Variants in LRP5 observed in about 807,000 individuals in gnomAD.
LRP5 encodes low-density lipoprotein receptor-related protein 5.
Under a neutral mutation model 154.1 loss-of-function variants are expected in LRP5, and 62 were observed. The observed-to-expected ratio is 0.40, with a 90% CI of 0.33 to 0.50. LRP5 has a LOEUF of 0.50. Among genes scored for constraint, LRP5 ranks in the 20% least tolerant of loss-of-function variants. The probability of loss-of-function intolerance (pLI) is 0.55; values close to 1 mark genes in which losing one functional copy is unlikely to be tolerated. For missense variants in LRP5, 1,915 were observed against 2,336.7 expected (o/e 0.82, Z 3.72); for synonymous variants, 966 against 1,011.5 (o/e 0.96, Z 0.85).
chr11:68,402,644 T>TTTGCTCCAGGTC, intron 7 of LRP5, among the ~76,000 whole-genome samples: 1 of 151,862 alleles, frequency 6.6e-6, no homozygotes, highest in Non-Finnish European at 1.5e-5. Context: ...GGTCCTTATA[T>TTTGCTCCAGGTC]TTGCTCCAGG....
chr11:68,390,149 G>T, intron 7 of LRP5, 97 bp downstream of exon 7: 1 of 1,441,068 alleles, frequency 6.9e-7, no homozygotes, highest in Non-Finnish European at 9.6e-7. Flanking sequence ...GGGTGCCTGT[G>T]CTCTGCTATT....
chr11:68,436,715 G>A (rs1051511800), intron 18 of LRP5, among the ~76,000 whole-genome samples, 174 bp from the exon 19 acceptor site: 12 of 152,196 alleles, frequency 7.9e-5, no homozygotes, highest in Admixed American at 6.5e-5. Context: ...CATAGGCCTC[G>A]CCACAGGGTC....
intron 7 of LRP5, among the ~76,000 whole-genome samples, chr11:68,390,355 G>T (rs550642615): frequency 7.7e-4 from 117 of 152,348 alleles, no homozygotes; most frequent in Non-Finnish European, 1.5e-3. Context: ...GGGCAAAGGG[G>T]ACACAGGAAT....
intron 17 of LRP5, among the ~76,000 whole-genome samples, chr11:68,432,671 A>G (rs138073040): frequency 1.2e-4 from 19 of 152,300 alleles, no homozygotes; most frequent in Middle Eastern, 3.4e-3. Context: ...ATTTCCCAGC[A>G]TCCCCTCCTG....
intron 1 of LRP5, among the ~76,000 whole-genome samples, chr11:68,332,391 T>TTGCTCTGCAGGCAGCCC (rs1437459972): frequency 6.6e-6 from 1 of 152,228 alleles, no homozygotes; most frequent in Non-Finnish European, 1.5e-5. Context: ...CACCCGGGCC[T>TTGCTCTGCAGGCAGCCC]TGCTCTGCAG....
chr11:68,414,610 G>T (rs1382276303), intron 12 of LRP5, among the ~76,000 whole-genome samples: 7 of 152,144 alleles, frequency 4.6e-5, no homozygotes, highest in Non-Finnish European at 8.8e-5. Flanking sequence ...ACTTTCCTAT[G>T]GCCCCTCTGG....
chr11:68,369,279 C>A (rs557651440), intron 5 of LRP5, among the ~76,000 whole-genome samples: 1 of 152,276 alleles, frequency 6.6e-6, no homozygotes, highest in South Asian at 2.1e-4. Context: ...GGCTTGGGGC[C>A]TGGCCACTGG....
chr11:68,376,735 A>G (rs1159457784), intron 5 of LRP5, among the ~76,000 whole-genome samples: 1 of 152,234 alleles, frequency 6.6e-6, no homozygotes, highest in East Asian at 1.9e-4. Context: ...TTGAACACCT[A>G]CTGTGTGCCT....
rs1226756198 is a variant in LRP5, at chr11:68,312,738, G to A, written c.24G>A (p.Pro8=). The change falls in exon 1 of 23, where the codon CCG becomes CCA. Residue 8 remains proline (P), a synonymous_variant. Transcript: ENST00000294304. MEAAPPG[P]PWPLLLLLLL... is the part of the protein sequence containing the mutation. ...ACATGGAGGCAGCGCCGCCCGGGCC[G>A]CCGTGGCCGCTGCTGCTGCTGCTGC... 3 of 1,061,040 alleles carry A rather than the reference G, an allele frequency of 2.8e-6. No individual in the cohort carries two copies. The highest frequency in any genetic ancestry group is 4.8e-5 in the Admixed American group (1 of 20,884). The allele number at this position is 1,061,040 out of a possible 1,614,324, so 65.7% of individuals were successfully genotyped here.
At chr11:68,431,482 C>T (rs753492176) in intron 17 of LRP5, among the ~76,000 whole-genome samples, 9 of 151,922 alleles carry the variant, frequency 5.9e-5, no homozygotes, top group Admixed American at 1.3e-4. Flanking sequence ...TCAGGTGATC[C>T]GCCCACCTCA....
At chr11:68,426,326 G>A in intron 16 of LRP5, 139 bp downstream of exon 16, 1 of 695,678 alleles carries the variant, frequency 1.4e-6, no homozygotes. Flanking sequence ...GCCCGCTGGG[G>A]TTCAGCGACA....
chr11:68,425,584 A>T (rs1382799637), intron 15 of LRP5, among the ~76,000 whole-genome samples: 1 of 152,210 alleles, frequency 6.6e-6, no homozygotes, highest in Non-Finnish European at 1.5e-5. Flanking sequence ...CTGCGCAAGA[A>T]GCTGCTCTGC....
At chr11:68,427,339 C>T (rs2098669354) in intron 16 of LRP5, among the ~76,000 whole-genome samples, 1 of 152,102 alleles carries the variant, frequency 6.6e-6, no homozygotes, top group African/African-American at 2.4e-5. Context: ...TACTTGAGAC[C>T]AGCCTGGGCA....
chr11:68,379,114 T>A (rs1453171967), intron 5 of LRP5, among the ~76,000 whole-genome samples: 1 of 152,108 alleles, frequency 6.6e-6, no homozygotes, highest in East Asian at 1.9e-4. Flanking sequence ...TCAAACAATG[T>A]GTGTAATGTT....
Position 68,439,932 on chromosome 11 carries a change from G to T in LRP5, c.4488+16G>T. 6.6e-7 allele frequency: 1 copy of T among 1,517,080 alleles called. No homozygotes were observed. The highest frequency in any genetic ancestry group is 1.2e-5 in the South Asian group (1 of 81,490). 94.0% of individuals were successfully genotyped at this position (1,517,080 alleles called of 1,614,324 possible). On this transcript the variant is annotated intron_variant, in intron 21 of 22. Transcript: ENST00000294304. Reference sequence around the variant, plus strand: ...GTACCCGCCGGTGAGGGGCGGGGCCGGGGAGGGGCGGGGCGGGATGGGGCT... The same window carrying T: ...GTACCCGCCGGTGAGGGGCGGGGCCTGGGAGGGGCGGGGCGGGATGGGGCT...
chr11:68,435,940 G>A (rs1198624403), intron 18 of LRP5, among the ~76,000 whole-genome samples: 1 of 152,120 alleles, frequency 6.6e-6, no homozygotes, highest in African/African-American at 2.4e-5. Context: ...TGGCCAGGCT[G>A]GTCTCAAACT....
intron 7 of LRP5, among the ~76,000 whole-genome samples, chr11:68,398,251 G>C (rs2153160068): frequency 6.6e-6 from 1 of 152,344 alleles, no homozygotes; most frequent in Non-Finnish European, 1.5e-5. Context: ...CGACTGTCCA[G>C]AGTCAGCCTG....
At chr11:68,385,769 GC>G (rs1377985202) in intron 5 of LRP5, among the ~76,000 whole-genome samples, 1 of 152,104 alleles carries the variant, frequency 6.6e-6, no homozygotes, top group African/African-American at 2.4e-5. Context: ...CTGCCTAGGA[GC>G]CCCCCGGCAC....
chr11:68,390,939 G>T (rs1281890654), intron 7 of LRP5, among the ~76,000 whole-genome samples: 1 of 152,212 alleles, frequency 6.6e-6, no homozygotes, highest in Non-Finnish European at 1.5e-5. Context: ...CCTCTCTTGA[G>T]CTTTTTTGTT....
Sources: allele counts gnomAD v4.1 joint callset (sites outside exome capture counted in the v4.1 genomes callset), GRCh38; gene constraint gnomAD v4.1.1; transcripts MANE v1.5; gene names NCBI Gene and HGNC (gene_info 2026-07-23, HGNC 2026-07-21).